CASP6: variants seen among roughly 807,000 people sequenced by gnomAD.
The protein encoded by CASP6 is caspase-6.
Under a neutral mutation model 31.8 loss-of-function variants are expected in CASP6, and 20 were observed. That is an observed-to-expected ratio of 0.63 (90% CI 0.44 to 0.91). The LOEUF (loss-of-function observed/expected upper bound fraction) is 0.91. Ranked by LOEUF, CASP6 falls within the 40% of genes least tolerant of loss-of-function variation. The pLI is 0.00. For missense variants in CASP6, 328 were observed against 361.1 expected (o/e 0.91, Z 0.74); for synonymous variants, 130 against 127.8 (o/e 1.02, Z -0.12).
the CASP6 span, chr4:109,673,730 C>A: frequency 2.0e-6 from 1 of 501,710 alleles, no homozygotes; most frequent in Non-Finnish European, 3.5e-6. Context: ...AAATTAAGTT[C>A]ACAAGGAAGA....
intron 5 of CASP6, 136 bp from the exon 6 acceptor site, chr4:109,691,145 A>C: frequency 1.1e-6 from 1 of 906,184 alleles, no homozygotes. Context: ...GAAGCAATAC[A>C]TTCAGGTTTG....
the CASP6 span, among the ~76,000 whole-genome samples, chr4:109,681,753 C>T: frequency 6.6e-6 from 1 of 152,178 alleles, no homozygotes; most frequent in African/African-American, 2.4e-5. Flanking sequence ...CAGTGGACAC[C>T]CTGCTGGATC....
chr4:109,689,619 C>G, intron 6 of CASP6, 51 bp from the exon 7 acceptor site: 1 of 1,487,756 alleles, frequency 6.7e-7, no homozygotes, highest in South Asian at 1.1e-5. Context: ...CTTTCAATTA[C>G]TGTGTGTATT....
At chr4:109,693,270 T>G (rs1278523503) in intron 5 of CASP6, among the ~76,000 whole-genome samples, 2 of 152,202 alleles carry the variant, frequency 1.3e-5, no homozygotes, top group African/African-American at 4.8e-5. Context: ...TCCTTATAAA[T>G]TACCCAGTCT....
chr4:109,704,067 T>C (rs183607467), upstream of CASP6, among the ~76,000 whole-genome samples: 52 of 152,320 alleles, frequency 3.4e-4, no homozygotes, highest in African/African-American at 1.2e-3. Flanking sequence ...GCCCTGTATG[T>C]GTTTGGACTG....
At chr4:109,678,947 G>A in the CASP6 span, among the ~76,000 whole-genome samples, 7 of 149,584 alleles carry the variant, frequency 4.7e-5, no homozygotes, top group East Asian at 1.4e-3. Context: ...AGGGTGGCCG[G>A]GCAGAGGCGC....
chr4:109,673,232 G>A, the CASP6 span, among the ~76,000 whole-genome samples: 3 of 152,250 alleles, frequency 2.0e-5, no homozygotes, highest in Admixed American at 1.3e-4. Context: ...CTGTTCTTTG[G>A]GTTGCATTTA....
At chr4:109,706,174 C>T (rs57999748), upstream of CASP6, among the ~76,000 whole-genome samples, 12,809 of 89,992 alleles carry the variant, frequency 0.14, 1,464 homozygotes, top group African/African-American at 0.29. Context: ...TATATATACA[C>T]ACACACATAT....
chr4:109,689,343 G>A lies in CASP6; in HGVS notation c.869C>T (p.Pro290Leu), dbSNP rs778220871. The change falls in exon 7 of 7, where the codon CCA becomes CTA. Residue 290 changes from proline to leucine, a missense_variant. Transcript: ENST00000265164. ...SMLTKKLHFFPKSN is the reference protein window; with the variant it reads ...SMLTKKLHFFLKSN ...AGCCTCTATTAATTAATTAGATTTT[G>A]GAAAGAAATGCAGCTTTTTAGTTAG... 6.8e-6 allele frequency: 11 copies of A among 1,613,600 alleles called. No homozygotes were observed. Among genetic ancestry groups the A allele is most frequent in the Non-Finnish European group, 8.5e-6 (10 of 1,179,718 alleles).
chr4:109,684,463 T>G (rs1274197577), downstream of CASP6: 7 of 1,611,974 alleles, frequency 4.3e-6, no homozygotes, highest in Non-Finnish European at 5.9e-6. Flanking sequence ...GAATAGAAGC[T>G]CATTCGGAAG....
the CASP6 span, among the ~76,000 whole-genome samples, chr4:109,671,879 G>A: frequency 6.6e-6 from 1 of 152,122 alleles, no homozygotes; most frequent in African/African-American, 2.4e-5. Context: ...GTGGCTAGGA[G>A]TTAGATGTTT....
intron 6 of CASP6, among the ~76,000 whole-genome samples, 164 bp from the exon 7 acceptor site, chr4:109,689,732 G>C (rs5030598): frequency 1.3e-5 from 2 of 152,004 alleles, no homozygotes; most frequent in African/African-American, 4.8e-5. Flanking sequence ...CTTTTCAAAT[G>C]GGAAAAGAGA....
At chr4:109,687,558 A>T (rs1240503953), downstream of CASP6, 1 of 1,612,452 alleles carries the variant, frequency 6.2e-7, no homozygotes, top group Non-Finnish European at 8.5e-7. Flanking sequence ...CTCTGTTTGC[A>T]AATGCAAGTA....
chr4:109,698,010 C>T (rs575673783), intron 2 of CASP6, among the ~76,000 whole-genome samples: 2 of 152,324 alleles, frequency 1.3e-5, no homozygotes, highest in South Asian at 2.1e-4. Flanking sequence ...TGATGTCTTT[C>T]CCCTGGCCCC....
intron 5 of CASP6, chr4:109,692,616 C>G (rs1375845821): frequency 1.3e-5 from 2 of 152,216 alleles, no homozygotes; most frequent in Admixed American, 1.3e-4. Context: ...CCCTCTTCAG[C>G]CCATTCCTCA....
chr4:109,680,779 G>A, the CASP6 span, among the ~76,000 whole-genome samples: 7 of 152,164 alleles, frequency 4.6e-5, no homozygotes, highest in Non-Finnish European at 8.8e-5. Context: ...CTAGACATAT[G>A]TCTCTCTTGT....
At chr4:109,705,992 AAAAAAAAAAATATAT>A (rs1291403018), upstream of CASP6, among the ~76,000 whole-genome samples, 30 of 72,718 alleles carry the variant, frequency 4.1e-4, no homozygotes, top group East Asian at 3.5e-3. Context: ...AAAAAAAAAA[AAAAAAAAAAATATAT>A]ATATATATAT....
the CASP6 span, among the ~76,000 whole-genome samples, chr4:109,672,925 C>T: frequency 6.6e-6 from 1 of 152,140 alleles, no homozygotes; most frequent in Non-Finnish European, 1.5e-5. Flanking sequence ...TTTTATCAGC[C>T]ATTTCTCTGA....
At chr4:109,684,110 T>C (rs1417569378), downstream of CASP6, among the ~76,000 whole-genome samples, 1 of 144,816 alleles carries the variant, frequency 6.9e-6, no homozygotes, top group African/African-American at 2.9e-5. Flanking sequence ...TCGCCCAGGC[T>C]GGAGTGCAGT....
Sources: gnomAD v4.1 joint callset for allele counts (sites outside exome capture counted in the v4.1 genomes callset) on GRCh38, gnomAD v4.1.1 for gene constraint, MANE v1.5 for transcripts, NCBI Gene and HGNC (gene_info 2026-07-23, HGNC 2026-07-21) for gene names.